The following CGNL1 variants were observed in gnomAD, a reference collection of about 807,000 sequenced individuals.
CGNL1 encodes cingulin like 1, also known as cingulin-like protein 1.
A neutral mutation model predicts 141.2 loss-of-function variants in CGNL1; 132 were observed. That is an observed-to-expected ratio of 0.93 (90% CI 0.81 to 1.08). The LOEUF is 1.08. CGNL1 is among the 50% of genes least tolerant of loss of function. The pLI is 0.00. For missense variants in CGNL1, 1,870 were observed against 1,588.6 expected (o/e 1.18, Z -3.01); for synonymous variants, 690 against 622.1 (o/e 1.11, Z -1.63).
chr15:57,468,674 A>G (rs1328935126), intron 8 of CGNL1, among the ~76,000 whole-genome samples: 2 of 152,018 alleles, frequency 1.3e-5, no homozygotes, highest in Non-Finnish European at 2.9e-5. Flanking sequence ...GTAGTCAGTG[A>G]GGGAGCAATG....
At chr15:57,433,926 A>G (rs1298040780) in intron 1 of CGNL1, among the ~76,000 whole-genome samples, 2 of 133,534 alleles carry the variant, frequency 1.5e-5, no homozygotes, top group African/African-American at 5.5e-5. Flanking sequence ...TCAGTGGAAT[A>G]CTTTTTTCTT....
intron 8 of CGNL1, among the ~76,000 whole-genome samples, chr15:57,472,258 T>A (rs2063591725): frequency 6.6e-6 from 1 of 151,962 alleles, no homozygotes; most frequent in African/African-American, 2.4e-5. Context: ...CAAGGGGGCT[T>A]GCAGCAGAAA....
chr15:57,529,188 G>A (rs1048783414), intron 13 of CGNL1, among the ~76,000 whole-genome samples: 5 of 152,184 alleles, frequency 3.3e-5, no homozygotes, highest in African/African-American at 1.2e-4. Flanking sequence ...CATGTCCAGA[G>A]AGGAGCCTCC....
intron 1 of CGNL1, among the ~76,000 whole-genome samples, chr15:57,400,746 G>C (rs1396754113): frequency 1.3e-5 from 2 of 151,972 alleles, no homozygotes; most frequent in African/African-American, 2.4e-5. Flanking sequence ...AGCTAGGCTT[G>C]GTGGCGCCTG....
At chr15:57,443,835 C>A (rs77216661) in intron 4 of CGNL1, among the ~76,000 whole-genome samples, 1 of 152,036 alleles carries the variant, frequency 6.6e-6, no homozygotes, top group African/African-American at 2.4e-5. Flanking sequence ...GCAGGGAGTG[C>A]GGGTTGGAAT....
intron 1 of CGNL1, among the ~76,000 whole-genome samples, chr15:57,422,443 G>C (rs1222693960): frequency 6.6e-6 from 1 of 152,150 alleles, no homozygotes; most frequent in Non-Finnish European, 1.5e-5. Context: ...CATAAACTGA[G>C]CTCCTAGGAG....
intron 8 of CGNL1, among the ~76,000 whole-genome samples, chr15:57,473,874 A>ACTTCTTCTTCTTCTTCTT: frequency 9.1e-6 from 1 of 109,790 alleles, no homozygotes; most frequent in East Asian, 3.4e-4. Context: ...TGATTGAGTC[A>ACTTCTTCTTCTTCTTCTT]CTTCTTCTTC....
At chr15:57,509,937 G>T (rs2030104374) in intron 8 of CGNL1, among the ~76,000 whole-genome samples, 1 of 152,174 alleles carries the variant, frequency 6.6e-6, no homozygotes, top group South Asian at 2.1e-4. Flanking sequence ...CTGGGAAATG[G>T]GGCTAAGATT....
chr15:57,398,221 CAT>C (rs1231283563), intron 1 of CGNL1: 44 of 152,148 alleles, frequency 2.9e-4, no homozygotes, highest in African/African-American at 1.0e-3. Context: ...AAGATAAACA[CAT>C]GTTAATATTT....
chr15:57,445,825 C>T (rs2152315063), intron 4 of CGNL1, among the ~76,000 whole-genome samples: 1 of 152,094 alleles, frequency 6.6e-6, no homozygotes, highest in South Asian at 2.1e-4. Flanking sequence ...AGGATTTTAG[C>T]CAAATCCTTT....
intron 4 of CGNL1, among the ~76,000 whole-genome samples, chr15:57,442,802 A>G (rs1231018970): frequency 6.6e-6 from 1 of 152,076 alleles, no homozygotes; most frequent in Admixed American, 6.6e-5. Flanking sequence ...TGTTTTTAGT[A>G]GGGTGAGGGT....
intron 13 of CGNL1, among the ~76,000 whole-genome samples, 163 bp from the exon 14 acceptor site, chr15:57,531,527 A>C (rs1319120265): frequency 2.6e-5 from 4 of 152,236 alleles, no homozygotes. Flanking sequence ...AGTTTAAGAA[A>C]TATCTGCTTT....
chr15:57,382,399 C>G (rs551148577), intron 1 of CGNL1, among the ~76,000 whole-genome samples: 2 of 152,134 alleles, frequency 1.3e-5, no homozygotes, highest in Non-Finnish European at 2.9e-5. Flanking sequence ...TATGAACGTG[C>G]AATATTTCTG....
chr15:57,474,998 C>T (rs978928703), intron 8 of CGNL1, among the ~76,000 whole-genome samples: 5 of 152,232 alleles, frequency 3.3e-5, no homozygotes, highest in African/African-American at 9.7e-5. Context: ...TTGACCTTCA[C>T]CTTCTGTCTG....
intron 8 of CGNL1, among the ~76,000 whole-genome samples, chr15:57,505,345 A>T (rs1010052371): frequency 2.0e-5 from 3 of 152,150 alleles, no homozygotes; most frequent in Non-Finnish European, 2.9e-5. Context: ...AAGAAAGCTG[A>T]GCTGTGATTT....
rs139041752 is a variant in CGNL1, at chr15:57,530,812, G to A, written c.3202-878G>A. 3.3e-4 allele frequency among the ~76,000 whole-genome samples: 50 copies of A among 152,326 alleles called. No homozygotes were observed. In the East Asian group the frequency reaches 9.1e-3, roughly 28 times the overall value. ...TGTGATAAATAGAATAATATTTAGG[G>A]ATAGAGGTGCCCATTGCTTGTCAAT... On this transcript the variant is annotated intron_variant, in intron 13 of 18. Transcript: ENST00000281282.
intron 1 of CGNL1, among the ~76,000 whole-genome samples, chr15:57,429,969 C>G (rs2063024886): frequency 6.6e-6 from 1 of 152,160 alleles, no homozygotes; most frequent in Non-Finnish European, 1.5e-5. Context: ...CACCACCACA[C>G]TCAGCTAATT....
intron 5 of CGNL1, 31 bp downstream of exon 5, chr15:57,451,632 C>A (rs2063323455): frequency 6.7e-7 from 1 of 1,485,652 alleles, no homozygotes; most frequent in African/African-American, 1.4e-5. Flanking sequence ...GTTATTTTTT[C>A]CATTTCTGTC....
rs571621102 is a variant in CGNL1 at position 57,384,682 on chromosome 15, T to C, written c.-16+8115T>C. On this transcript the variant is annotated intron_variant, in intron 1 of 18. Coordinates refer to ENST00000281282, the MANE Select transcript of CGNL1 (RefSeq NM_032866.5). ...ATTCCCATAAACTTTATTTTCTTTC[T>C]TTTTTAAAAAAATTGCCATAAACTT... 5.3e-5 allele frequency among the ~76,000 whole-genome samples: 8 copies of C among 152,240 alleles called. No homozygotes were observed. The East Asian group carries it at 1.5e-3, about 29-fold the overall frequency.
Sources: allele counts gnomAD v4.1 joint callset (sites outside exome capture counted in the v4.1 genomes callset), GRCh38; gene constraint gnomAD v4.1.1; transcripts MANE v1.5; gene names NCBI Gene and HGNC (gene_info 2026-07-23, HGNC 2026-07-21).